The following IKZF4 variants were observed in gnomAD, a reference collection of about 807,000 sequenced individuals.
The protein encoded by IKZF4 is IKAROS family zinc finger 4, also known as zinc finger protein Eos.
Under a neutral mutation model 47.7 loss-of-function variants are expected in IKZF4, and 11 were observed. The ratio of observed to expected loss-of-function variants is 0.23; its 90% CI spans 0.15 to 0.38. The LOEUF (loss-of-function observed/expected upper bound fraction) is 0.38, where lower values mean the gene tolerates loss of function less well. IKZF4 is among the 10% of genes least tolerant of loss of function. The pLI is 1.00. For missense variants in IKZF4, 557 were observed against 784.9 expected (o/e 0.71, Z 3.47); for synonymous variants, 298 against 299.4 (o/e 1.00, Z 0.05).
chr12:56,021,728 GTGT>G, intron 1 of IKZF4, 148 bp downstream of exon 1: 1 of 1,168,892 alleles, frequency 8.6e-7, no homozygotes, highest in Non-Finnish European at 1.2e-6. Context: ...GTGTGTGTGT[GTGT>G]AGCGGGGGAG....
Position 56,022,822 on chromosome 12 carries a change from C to T in IKZF4, c.88-849C>T, listed in dbSNP as rs368613574. ...CTTTTTTTTTTTTTTTTTTTTGAGACGGAGTCTCGCTCTGTCGCCCAGGCT... is the reference window on the plus strand; with the variant it reads ...CTTTTTTTTTTTTTTTTTTTTGAGATGGAGTCTCGCTCTGTCGCCCAGGCT... On this transcript the variant is annotated intron_variant, in intron 1 of 7. Coordinates refer to ENST00000547167, the MANE Select transcript of IKZF4 (RefSeq NM_022465.4). 4.3e-3 allele frequency among the ~76,000 whole-genome samples: 560 copies of T among 129,956 alleles called. 2 individuals carry two copies. Among genetic ancestry groups the T allele is most frequent in the African/African-American group, 0.014 (461 of 34,006 alleles). The allele number at this position is 129,956 out of a possible 152,430, so 85.3% of individuals were successfully genotyped here.
rs780826202 is a variant in IKZF4 at position 56,023,673 on chromosome 12, G to A, written c.90G>A (p.Leu30=). ...TGTTTTCTTCCCACTGACCAAAGCT[G>A]GAGAGGGATCCCTCAGGAGGGTGTG... ...PGSHRQGKDN[L]ERDPSGGCVP... The change falls in exon 2 of 8, where the codon CTG becomes CTA. Residue 30 remains leucine, a splice_region_variant and synonymous_variant. Transcript: ENST00000547167. The A allele has an allele frequency of 5.0e-6, 8 of 1,613,842 alleles. No individual in the cohort carries two copies. The South Asian group carries it at 7.7e-5, about 16-fold the overall frequency.
intron 2 of IKZF4, among the ~76,000 whole-genome samples, chr12:56,013,837 G>A (rs1891648849): frequency 6.6e-6 from 1 of 152,158 alleles, no homozygotes; most frequent in African/African-American, 2.4e-5. Flanking sequence ...TCACTTCCAG[G>A]GTTACCAACT....
chr12:56,032,393 C>G, intron 5 of IKZF4, 168 bp from the exon 6 acceptor site: 1 of 637,092 alleles, frequency 1.6e-6, no homozygotes, highest in Non-Finnish European at 2.7e-6. Flanking sequence ...TATTGTTCAT[C>G]TGTCCGCGGT....
chr12:56,033,651 G>A (rs926498544), intron 7 of IKZF4, among the ~76,000 whole-genome samples: 1 of 152,096 alleles, frequency 6.6e-6, no homozygotes, highest in Admixed American at 6.5e-5. Context: ...AGCTTGCAGT[G>A]AGCGGAGATC....
rs778915947 is a variant in IKZF4, at chr12:56,021,521, C to T, written c.28C>T (p.Arg10Cys). 20 of 1,608,146 alleles carry T rather than the reference C, an allele frequency of 1.2e-5. No individual in the cohort carries two copies. Among genetic ancestry groups the T allele is most frequent in the African/African-American group, 2.7e-5 (2 of 74,646 alleles). The part of the protein sequence containing the change: MHTPPALPR[R>C]FQGGGRVRTP... The stretch of plus-strand genomic sequence containing the variant: ...GCATACACCACCCGCACTCCCTCGC[C>T]GTTTCCAAGGCGGCGGCCGCGTTCG... The change falls in exon 1 of 8, where the codon CGT (arginine) becomes TGT (cysteine). Residue 10 changes from arginine to cysteine, a missense_variant. Physicochemically the swap from Arg to Cys is radical, Grantham distance 180. Coordinates refer to ENST00000547167, the MANE Select transcript of IKZF4 (RefSeq NM_022465.4).
intron 2 of IKZF4, among the ~76,000 whole-genome samples, chr12:56,013,687 T>A (rs1020836473): frequency 6.6e-6 from 1 of 152,068 alleles, no homozygotes; most frequent in African/African-American, 2.4e-5. Flanking sequence ...GAGGAGGTGC[T>A]TTAAGGGGTA....
chr12:56,020,706 C>T (rs945801535), upstream of IKZF4, among the ~76,000 whole-genome samples: 7 of 152,134 alleles, frequency 4.6e-5, no homozygotes, highest in African/African-American at 1.4e-4. Context: ...ATGGGGAGAC[C>T]GTACCAGCCT....
Position 56,034,946 on chromosome 12 carries a change from A to T in IKZF4, c.1373A>T (p.Asp458Val), listed in dbSNP as rs1164417683. 6.3e-7 allele frequency: 1 copy of T among 1,578,712 alleles called. No homozygotes were observed. The highest frequency in any genetic ancestry group is 8.6e-7 in the Non-Finnish European group (1 of 1,159,836). Residue 458 changes from aspartate to valine, a missense_variant, in exon 8 of 8, where the codon GAC (aspartate) becomes GTC (valine). By Grantham distance (152) the Asp-to-Val change is radical. Coordinates refer to ENST00000547167, the MANE Select transcript of IKZF4 (RefSeq NM_022465.4). ...SPSNGCQDST[D>V]TESNHEDRVA... ...AGCAATGGCTGCCAGGACTCCACAGACACAGAAAGCAACCACGAAGATCGG... is the reference window on the plus strand; with the variant it reads ...AGCAATGGCTGCCAGGACTCCACAGTCACAGAAAGCAACCACGAAGATCGG...
chr12:56,020,856 A>AGGG, upstream of IKZF4: 3 of 844,132 alleles, frequency 3.6e-6, no homozygotes, highest in Non-Finnish European at 4.3e-6. Flanking sequence ...CTGGAGGAGG[A>AGGG]GGGAAAGAGT....
At chr12:56,013,922 G>A (rs908698925) in intron 2 of IKZF4, among the ~76,000 whole-genome samples, 2 of 152,122 alleles carry the variant, frequency 1.3e-5, no homozygotes, top group Non-Finnish European at 2.9e-5. Flanking sequence ...AGGCCGAGGC[G>A]GGCAGATTAC....
chr12:56,022,625 T>C (rs1893211591), intron 1 of IKZF4, among the ~76,000 whole-genome samples: 1 of 152,150 alleles, frequency 6.6e-6, no homozygotes, highest in South Asian at 2.1e-4. Flanking sequence ...TCATTATACA[T>C]ATATTTTAGC....
At chr12:56,032,744 A>G (rs750447033) in intron 6 of IKZF4, 34 bp downstream of exon 6, 1 of 1,612,534 alleles carries the variant, frequency 6.2e-7, no homozygotes, top group Admixed American at 1.7e-5. Context: ...GGGAGTTAAA[A>G]GGGGATGGTG....
At chr12:56,018,263 C>A, upstream of IKZF4, 1 of 997,196 alleles carries the variant, frequency 1.0e-6, no homozygotes, top group Non-Finnish European at 1.4e-6. Flanking sequence ...AGCCTAGGCA[C>A]ACAGCCTCTA....
upstream of IKZF4, among the ~76,000 whole-genome samples, chr12:56,018,819 T>C (rs1268400279): frequency 6.6e-6 from 1 of 152,046 alleles, no homozygotes; most frequent in East Asian, 1.9e-4. Flanking sequence ...CTGGGCATGG[T>C]GGCTCACGCC....
intron 5 of IKZF4, chr12:56,029,798 A>G (rs1294436047): frequency 6.6e-6 from 1 of 152,202 alleles, no homozygotes; most frequent in Admixed American, 6.5e-5. Context: ...TGCGGGTCAC[A>G]TAGCTATTCT....
chr12:56,034,823 G>C lies in IKZF4; in HGVS notation c.1250G>C (p.Gly417Ala). Residue 417 changes from glycine to alanine, a missense_variant, in exon 8 of 8, where the codon GGA becomes GCA. By Grantham distance (60) the Gly-to-Ala change is moderately conservative. Around this residue, in one of 6 missense-constraint regions of IKZF4, gnomAD observed 280 missense variants for 314.0 expected, o/e 0.89. Coordinates refer to ENST00000547167, the MANE Select transcript of IKZF4 (RefSeq NM_022465.4). ...CTCCCTGGTCGACTGGAGCTTCCAG[G>C]ATCCCGAGAAGCAGGTGAGGGACCT... ...QPLPGRLELP[G>A]SREAGEGPED... 1.2e-6 allele frequency: 2 copies of C among 1,613,962 alleles called. No individual in the cohort carries two copies. Among genetic ancestry groups the C allele is most frequent in the Non-Finnish European group, 1.7e-6 (2 of 1,179,882 alleles).
chr12:56,024,258 C>CAGATCAGTAGG (rs918911257), intron 2 of IKZF4, among the ~76,000 whole-genome samples: 2 of 152,146 alleles, frequency 1.3e-5, no homozygotes, highest in African/African-American at 4.8e-5. Flanking sequence ...TGATTGGAAT[C>CAGATCAGTAGG]AGATCAGTAG....
At chr12:56,017,721 C>G (rs769277789), upstream of IKZF4, among the ~76,000 whole-genome samples, 2 of 152,140 alleles carry the variant, frequency 1.3e-5, no homozygotes, top group Non-Finnish European at 2.9e-5. Context: ...GACAGGGTCT[C>G]GCTCGGTTAC....
Sources: allele counts gnomAD v4.1 joint callset (sites outside exome capture counted in the v4.1 genomes callset), GRCh38; gene constraint gnomAD v4.1.1; regional missense constraint gnomAD v4.1.1; transcripts MANE v1.5; gene names NCBI Gene and HGNC (gene_info 2026-07-23, HGNC 2026-07-21).